FAAH2: variants seen among roughly 807,000 people sequenced by gnomAD.
The protein encoded by FAAH2 is fatty-acid amide hydrolase 2.
A neutral mutation model predicts 36.9 loss-of-function variants in FAAH2; 60 were observed. The ratio of observed to expected loss-of-function variants is 1.63; its 90% CI spans 1.32 to 2.02. The LOEUF is 2.02. FAAH2 is among the 30% of genes most tolerant of loss of function. The pLI is 0.00. For synonymous variants in FAAH2, 214 were observed against 143.8 expected (o/e 1.49, Z -3.49); for missense variants, 689 against 397.5 (o/e 1.73, Z -6.23).
the FAAH2 span, among the ~76,000 whole-genome samples, chrX:57,158,126 G>T: frequency 9.0e-6 from 1 of 111,353 alleles, no homozygotes; most frequent in Non-Finnish European, 1.9e-5. Flanking sequence ...GCGATAGTTT[G>T]CTGAGAATGA....
chrX:57,292,493 T>C lies in FAAH2; in HGVS notation c.193-5T>C. 1 of 1,200,133 alleles carries C rather than the reference T, an allele frequency of 8.3e-7. No homozygotes were observed. The highest frequency in any genetic ancestry group is 1.7e-5 in the African/African-American group (1 of 57,555). On this transcript the variant is annotated splice_polypyrimidine_tract_variant and splice_region_variant and intron_variant, in intron 1 of 10. Coordinates refer to ENST00000374900, the MANE Select transcript of FAAH2 (RefSeq NM_174912.4). ...GGCTGCTGACTAAAGTATTGTATTT[T>C]GCAGGTGAAATGTATAGATGTTGTT...
At chrX:57,424,688 A>G (rs774508713) in intron 7 of FAAH2, among the ~76,000 whole-genome samples, 2 of 112,179 alleles carry the variant, frequency 1.8e-5, no homozygotes, top group South Asian at 3.7e-4. Context: ...AAACAACCCT[A>G]CTCAACAAAC....
intron 10 of FAAH2, chrX:57,452,024 A>G (rs1047334218): frequency 7.0e-5 from 15 of 213,262 alleles, no homozygotes; most frequent in Non-Finnish European, 8.9e-5. Flanking sequence ...TATCAACATA[A>G]CACCTATATG....
At chrX:57,307,628 T>G (rs2052578412) in intron 2 of FAAH2, among the ~76,000 whole-genome samples, 1 of 111,732 alleles carries the variant, frequency 8.9e-6, no homozygotes, top group African/African-American at 3.2e-5. Flanking sequence ...AGCCACATTT[T>G]AAAAATATAA....
At chrX:57,176,210 G>A in the FAAH2 span, among the ~76,000 whole-genome samples, 1 of 109,476 alleles carries the variant, frequency 9.1e-6, no homozygotes, top group Non-Finnish European at 1.9e-5. Flanking sequence ...GAACACCTTT[G>A]ATTCTTAGGT....
At chrX:57,203,475 A>T in the FAAH2 span, among the ~76,000 whole-genome samples, 1 of 111,725 alleles carries the variant, frequency 9.0e-6, no homozygotes, top group Non-Finnish European at 1.9e-5. Flanking sequence ...GATTTTATTT[A>T]TGGCCAGTTT....
chrX:57,300,476 T>A (rs919325780), intron 2 of FAAH2, among the ~76,000 whole-genome samples: 2 of 112,196 alleles, frequency 1.8e-5, no homozygotes, highest in Admixed American at 1.9e-4. Flanking sequence ...GATTAAAGAC[T>A]TACATGTCAG....
chrX:57,198,268 G>A, the FAAH2 span, among the ~76,000 whole-genome samples: 1 of 111,572 alleles, frequency 9.0e-6, no homozygotes, highest in Non-Finnish European at 1.9e-5. Context: ...ATGAGGATGA[G>A]GCTGTGATTC....
At chrX:57,382,681 T>A (rs928028522) in intron 7 of FAAH2, among the ~76,000 whole-genome samples, 2 of 111,687 alleles carry the variant, frequency 1.8e-5, no homozygotes, top group African/African-American at 6.5e-5. Context: ...GAGGCCATAA[T>A]TAATAGCCTA....
chrX:57,432,969 TAA>T (rs1180507253), intron 8 of FAAH2, among the ~76,000 whole-genome samples: 1 of 99,391 alleles, frequency 1.0e-5, no homozygotes, highest in Non-Finnish European at 2.1e-5. Context: ...CTCTCTACCT[TAA>T]AAAAAAAAAA....
the FAAH2 span, among the ~76,000 whole-genome samples, chrX:57,179,685 C>A: frequency 9.0e-6 from 1 of 111,135 alleles, no homozygotes; most frequent in East Asian, 2.8e-4. Context: ...CTTCAGCAAC[C>A]CACTGACAGT....
Position 57,331,591 on chromosome X carries a change from C to A in FAAH2, c.413-7C>A, listed in dbSNP as rs756116169. ...TTTTTAAACATTCTTTTCTGTGACT[C>A]TTTTAGGAATGCCCAATTCTTCTGG... On this transcript the variant is annotated splice_polypyrimidine_tract_variant and splice_region_variant and intron_variant, in intron 3 of 10. Transcript: ENST00000374900. 9 of 1,199,531 alleles carry A rather than the reference C, an allele frequency of 7.5e-6. No homozygotes were observed. The South Asian group carries it at 1.6e-4, about 22-fold the overall frequency.
chrX:57,190,678 G>T, the FAAH2 span, among the ~76,000 whole-genome samples: 1 of 110,347 alleles, frequency 9.1e-6, no homozygotes, highest in African/African-American at 3.3e-5. Context: ...GCACTCCCGG[G>T]TGAGGTAATT....
chrX:57,324,273 T>C (rs976107261), intron 3 of FAAH2, among the ~76,000 whole-genome samples: 5 of 112,222 alleles, frequency 4.5e-5, no homozygotes, highest in Non-Finnish European at 9.4e-5. Flanking sequence ...TCAGGTAGCA[T>C]GATGCCTCCA....
chrX:57,339,819 C>A (rs2053642722), intron 4 of FAAH2, among the ~76,000 whole-genome samples: 1 of 111,953 alleles, frequency 8.9e-6, no homozygotes, highest in South Asian at 3.7e-4. Context: ...ATTAGTTCAA[C>A]CTTTGTGGAA....
At chrX:57,270,026 A>G in the FAAH2 span, among the ~76,000 whole-genome samples, 2 of 111,792 alleles carry the variant, frequency 1.8e-5, no homozygotes, top group Non-Finnish European at 3.8e-5. Context: ...ACAATCAGAA[A>G]CTACAAGGGG....
chrX:57,420,444 T>C (rs1301703540), intron 7 of FAAH2, among the ~76,000 whole-genome samples: 1 of 111,845 alleles, frequency 8.9e-6, no homozygotes, highest in Non-Finnish European at 1.9e-5. Context: ...ACATCCCTTG[T>C]AAGTTGGATT....
intron 5 of FAAH2, among the ~76,000 whole-genome samples, chrX:57,370,629 G>A (rs771814023): frequency 8.9e-6 from 1 of 111,922 alleles, no homozygotes; most frequent in South Asian, 3.7e-4. Flanking sequence ...CAACCCCCAG[G>A]CCATGGACCA....
chrX:57,315,289 C>A (rs1024099693), intron 3 of FAAH2, among the ~76,000 whole-genome samples: 10 of 110,834 alleles, frequency 9.0e-5, no homozygotes, highest in Non-Finnish European at 1.7e-4. Context: ...AAAAAGTGTC[C>A]TGGACTAGAT....
Sources: allele counts gnomAD v4.1 joint callset (sites outside exome capture counted in the v4.1 genomes callset), GRCh38; gene constraint gnomAD v4.1.1; transcripts MANE v1.5; gene names NCBI Gene and HGNC (gene_info 2026-07-23, HGNC 2026-07-21).